DCLK2: variants seen among roughly 807,000 people sequenced by gnomAD.
The protein encoded by DCLK2 is doublecortin like kinase 2.
DCLK2 carries 31 observed loss-of-function variants against 78.4 expected under a neutral mutation model. That is an observed-to-expected ratio of 0.40 (90% confidence interval 0.30 to 0.53). The LOEUF (loss-of-function observed/expected upper bound fraction) is 0.53. DCLK2 is among the 20% of genes least tolerant of loss of function. The pLI, the probability that DCLK2 is intolerant of heterozygous loss-of-function variation, is 0.61. For synonymous variants in DCLK2, 407 were observed against 374.9 expected (o/e 1.09, Z -0.99); for missense variants, 872 against 973.7 (o/e 0.90, Z 1.39).
intron 2 of DCLK2, among the ~76,000 whole-genome samples, chr4:150,106,355 A>T (rs1731252031): frequency 6.6e-6 from 1 of 152,192 alleles, no homozygotes; most frequent in Admixed American, 6.5e-5. Flanking sequence ...TTCTATGGGT[A>T]TGCATGCTTG....
chr4:150,124,217 T>G (rs1243150138), intron 2 of DCLK2, among the ~76,000 whole-genome samples: 5 of 152,146 alleles, frequency 3.3e-5, no homozygotes, highest in Non-Finnish European at 7.3e-5. Flanking sequence ...CACAGAAGTT[T>G]AATTCTCTGA....
At chr4:150,118,363 T>A (rs1386643512) in intron 2 of DCLK2, among the ~76,000 whole-genome samples, 7 of 152,148 alleles carry the variant, frequency 4.6e-5, no homozygotes, top group Non-Finnish European at 1.0e-4. Context: ...TTGAGTAGGA[T>A]CTGAAAAATG....
At chr4:150,098,984 C>T (rs59894898) in intron 1 of DCLK2, among the ~76,000 whole-genome samples, 2,314 of 150,974 alleles carry the variant, frequency 0.015, 61 homozygotes, top group African/African-American at 0.053. Context: ...CATGAGCCAC[C>T]GTGCCTGGCC....
rs137874296 is a variant in DCLK2 at position 150,080,609 on chromosome 4, A to T, written c.421+1161A>T. On this transcript the variant is annotated intron_variant, in intron 1 of 15. Coordinates refer to ENST00000296550, the MANE Select transcript of DCLK2 (RefSeq NM_001040260.4). ...ACATCAAGCCAGATGTTTTTCTTAT[A>T]TTATCTCAGCATGCTTTTCTGTCCT... Among the ~76,000 whole-genome samples the T allele has an allele frequency of 6.6e-5, 10 of 152,274 alleles. No homozygotes were observed. The East Asian group carries it at 1.9e-3, about 29-fold the overall frequency.
At chr4:150,089,503 T>A (rs919017147) in intron 1 of DCLK2, among the ~76,000 whole-genome samples, 1 of 152,248 alleles carries the variant, frequency 6.6e-6, no homozygotes, top group Non-Finnish European at 1.5e-5. Context: ...TGAAGGTTTC[T>A]CTGTCTCAGT....
intron 5 of DCLK2, among the ~76,000 whole-genome samples, chr4:150,207,316 AAAT>A (rs1233639524): frequency 6.6e-6 from 1 of 152,190 alleles, no homozygotes; most frequent in Non-Finnish European, 1.5e-5. Flanking sequence ...CTAGGGAACT[AAAT>A]AAGGTTAAGG....
At chr4:150,207,746 G>A (rs1739946823) in intron 5 of DCLK2, among the ~76,000 whole-genome samples, 1 of 152,186 alleles carries the variant, frequency 6.6e-6, no homozygotes, top group Non-Finnish European at 1.5e-5. Context: ...ACAACTGAGA[G>A]TTAGTGGTAT....
At chr4:150,138,363 C>G (rs997877324) in intron 2 of DCLK2, among the ~76,000 whole-genome samples, 3 of 152,246 alleles carry the variant, frequency 2.0e-5, no homozygotes, top group African/African-American at 7.2e-5. Context: ...AATCCCAGCA[C>G]TTTGGGAGGC....
rs566362986 is a variant in DCLK2, at chr4:150,103,703, G to A, written c.756+891G>A. On this transcript the variant is annotated intron_variant, in intron 2 of 15. Coordinates refer to ENST00000296550, the MANE Select transcript of DCLK2 (RefSeq NM_001040260.4). ...AATGAATAATATAAAACATTGAGCA[G>A]TGTCTTTGGGAAAAACACAATCAAA... Among the ~76,000 whole-genome samples the A allele has an allele frequency of 1.9e-3, 286 of 152,254 alleles. 3 individuals are homozygous for A. Among genetic ancestry groups the A allele is most frequent in the African/African-American group, 6.5e-3 (269 of 41,548 alleles).
At chr4:150,170,805 C>T (rs1736472883) in intron 2 of DCLK2, among the ~76,000 whole-genome samples, 1 of 152,108 alleles carries the variant, frequency 6.6e-6, no homozygotes, top group Admixed American at 6.6e-5. Context: ...AAAACCTGTA[C>T]AACATGACTC....
rs371914632 is a variant in DCLK2, at chr4:150,211,881, A to T, written c.1056+7992A>T. The stretch of plus-strand genomic sequence containing the variant: ...TTCAATCTAGCTGATAACTTTTCCC[A>T]TAGGAATATTTGCTATGCTTAAATC... On this transcript the variant is annotated intron_variant, in intron 5 of 15. Transcript: ENST00000296550. Among the ~76,000 whole-genome samples the T allele has an allele frequency of 7.2e-5, 11 of 152,218 alleles. No individual in the cohort carries two copies. The South Asian group carries it at 2.1e-3, about 29-fold the overall frequency.
At chr4:150,253,995 G>T (rs908369760) in intron 15 of DCLK2, 10 of 795,292 alleles carry the variant, frequency 1.3e-5, no homozygotes, top group African/African-American at 1.9e-5. Flanking sequence ...GTGAGGCCTT[G>T]GTTTCAGGCA....
intron 2 of DCLK2, among the ~76,000 whole-genome samples, chr4:150,172,762 G>GTTC (rs1560832090): frequency 1.4e-5 from 1 of 73,096 alleles, no homozygotes; most frequent in Admixed American, 1.7e-4. Context: ...TTTTTTTTTG[G>GTTC]GGGGGGGGGG....
Position 150,193,158 on chromosome 4 carries a change from T to C in DCLK2, c.777T>C (p.Phe259=), listed in dbSNP as rs542004978. ...CTCAGGTTACTTGTCTGCAAGACTT[T>C]TTTGGTGATGACGATGTTTTTATTG... ...DGKQVTCLQD[F]FGDDDVFIAC... Residue 259 remains phenylalanine (F), a synonymous_variant, in exon 3 of 16, where the codon TTT becomes TTC. Transcript: ENST00000296550. 2.4e-5 allele frequency: 38 copies of C among 1,610,018 alleles called. No homozygotes were observed. In the East Asian group the frequency reaches 7.8e-4, roughly 33 times the overall value.
At chr4:150,193,581 A>T (rs1380248744) in intron 3 of DCLK2, among the ~76,000 whole-genome samples, 1 of 152,224 alleles carries the variant, frequency 6.6e-6, no homozygotes, top group Non-Finnish European at 1.5e-5. Flanking sequence ...TGGCTGTGCC[A>T]ACTTAAATGC....
chr4:150,100,858 C>G (rs143556402), intron 1 of DCLK2, among the ~76,000 whole-genome samples: 4 of 152,298 alleles, frequency 2.6e-5, no homozygotes, highest in African/African-American at 9.6e-5. Context: ...TTTCACTTTA[C>G]TGGTGTAGAA....
intron 2 of DCLK2, among the ~76,000 whole-genome samples, chr4:150,110,067 A>C (rs1366632741): frequency 3.3e-5 from 5 of 152,192 alleles, no homozygotes; most frequent in Admixed American, 3.3e-4. Context: ...CTCCCTTTTA[A>C]TGGGAAACTG....
chr4:150,198,233 ATGTGACTTTTAAAACCAAAAGTCAAGTC>A, intron 4 of DCLK2, 130 bp downstream of exon 4: 1 of 734,916 alleles, frequency 1.4e-6, no homozygotes, highest in Non-Finnish European at 2.1e-6. Context: ...AACAGAGATG[ATGTGACTTTTAAAACCAAAAGTCAAGTC>A]TGTTTCCCCA....
chr4:150,198,622 G>A (rs1739233731), intron 4 of DCLK2, among the ~76,000 whole-genome samples: 1 of 152,074 alleles, frequency 6.6e-6, no homozygotes, highest in Admixed American at 6.5e-5. Flanking sequence ...AGTTTCTTGC[G>A]AGTCTTAAGC....
Sources: gnomAD v4.1 joint callset for allele counts (sites outside exome capture counted in the v4.1 genomes callset) on GRCh38, gnomAD v4.1.1 for gene constraint, MANE v1.5 for transcripts, NCBI Gene and HGNC (gene_info 2026-07-23, HGNC 2026-07-21) for gene names.